The following ZMAT4 variants were observed in gnomAD, a reference collection of about 807,000 sequenced individuals.
The protein encoded by ZMAT4 is zinc finger matrin-type 4.
In ZMAT4, 17 loss-of-function variants were observed where a neutral mutation model predicts 28.7. The observed-to-expected ratio is 0.59, with a 90% CI of 0.41 to 0.89. The LOEUF is 0.89. Among genes scored for constraint, ZMAT4 ranks in the 40% least tolerant of loss-of-function variants. The probability of loss-of-function intolerance (pLI) is 0.00; values close to 1 mark genes in which losing one functional copy is unlikely to be tolerated. For missense variants in ZMAT4, 240 were observed against 283.8 expected (o/e 0.85, Z 1.11); for synonymous variants, 117 against 109.2 (o/e 1.07, Z -0.44).
At chr8:40,879,268 A>T (rs1364345407) in intron 1 of ZMAT4, among the ~76,000 whole-genome samples, 11 of 152,124 alleles carry the variant, frequency 7.2e-5, no homozygotes, top group African/African-American at 9.7e-5. Flanking sequence ...CAAAAAATTT[A>T]AAAAATTAGC....
chr8:40,658,299 C>T (rs191204721), intron 5 of ZMAT4, among the ~76,000 whole-genome samples: 2 of 152,102 alleles, frequency 1.3e-5, no homozygotes, highest in Admixed American at 1.3e-4. Flanking sequence ...TCCTCCTATG[C>T]ATATTAATGT....
intron 6 of ZMAT4, among the ~76,000 whole-genome samples, chr8:40,549,657 G>T (rs757612686): frequency 1.8e-4 from 27 of 152,024 alleles, no homozygotes; most frequent in Non-Finnish European, 4.0e-4. Context: ...CACTGTCACT[G>T]CTATAGTTCA....
In ZMAT4 at chr8:40,893,191, T is replaced by A. The variant is rs540897095; in HGVS notation, c.-5+4492A>T. On this transcript the variant is annotated intron_variant, in intron 1 of 6. Transcript: ENST00000297737. ...ATCCTGTGCTTCTTCTGTTACAACA[T>A]CTTCCGAGCTGCCCTCATGGATTCC... 2.0e-5 allele frequency among the ~76,000 whole-genome samples: 3 copies of A among 152,292 alleles called. No homozygotes were observed. In the East Asian group the frequency reaches 5.8e-4, roughly 29 times the overall value.
chr8:40,874,822 G>T (rs1033925571), intron 1 of ZMAT4, among the ~76,000 whole-genome samples: 2 of 152,184 alleles, frequency 1.3e-5, no homozygotes, highest in Admixed American at 1.3e-4. Flanking sequence ...ACTGCAGCAG[G>T]CGTGGTTTCG....
chr8:40,834,771 G>A (rs1816416346), intron 1 of ZMAT4, among the ~76,000 whole-genome samples: 1 of 152,200 alleles, frequency 6.6e-6, no homozygotes, highest in Non-Finnish European at 1.5e-5. Context: ...TCCTTACCCT[G>A]TAGGTCCTTG....
rs1806407854 is a variant in ZMAT4 at position 40,627,120 on chromosome 8, C to G, written c.578-45859G>C. 7.2e-5 allele frequency among the ~76,000 whole-genome samples: 11 copies of G among 152,196 alleles called. 1 individual carries two copies. The South Asian group carries it at 2.3e-3, about 32-fold the overall frequency. ...AGATACTCAGCAAATGATTATTGAA[C>G]CAATCAATATTCAGTCAACTAGTAG... is the stretch of plus-strand genomic sequence containing the variant. On this transcript the variant is annotated intron_variant, in intron 5 of 6. Coordinates refer to ENST00000297737, the MANE Select transcript of ZMAT4 (RefSeq NM_024645.3).
rs1802711122 is a variant in ZMAT4, at chr8:40,532,171, C to T, written c.*52G>A. On this transcript the variant is annotated 3_prime_UTR_variant, in exon 7 of 7. Transcript: ENST00000297737. ...CTCTGGTGGTTGATAAGCAATTCTC[C>T]ACGGCAGAGAAATGCTAATGTTTTG... The T allele has an allele frequency of 6.5e-7, 1 of 1,527,896 alleles. No homozygotes were observed. Among genetic ancestry groups the T allele is most frequent in the African/African-American group, 1.4e-5 (1 of 72,084 alleles). 94.6% of individuals were successfully genotyped at this position (1,527,896 alleles called of 1,614,324 possible). A position where few individuals can be genotyped will look rare whatever the true frequency, so the allele number is the denominator to read the frequency against.
chr8:40,844,976 C>T (rs1279491746), intron 1 of ZMAT4, among the ~76,000 whole-genome samples: 1 of 152,142 alleles, frequency 6.6e-6, no homozygotes, highest in Non-Finnish European at 1.5e-5. Context: ...GGATGGTCCA[C>T]TGGGTGACCT....
chr8:40,705,978 C>T (rs183466608), intron 3 of ZMAT4, among the ~76,000 whole-genome samples: 128 of 152,282 alleles, frequency 8.4e-4, no homozygotes, highest in East Asian at 1.3e-3. Context: ...TGTTCAATAG[C>T]ACTTTTGAGT....
chr8:40,882,922 T>C (rs1247047126), intron 1 of ZMAT4, among the ~76,000 whole-genome samples: 1 of 152,060 alleles, frequency 6.6e-6, no homozygotes, highest in Non-Finnish European at 1.5e-5. Flanking sequence ...TTCTCTTCCC[T>C]GCTTAATCCT....
intron 5 of ZMAT4, among the ~76,000 whole-genome samples, chr8:40,633,350 C>T (rs1044305221): frequency 2.6e-5 from 4 of 152,074 alleles, no homozygotes; most frequent in Non-Finnish European, 4.4e-5. Context: ...CTTCTGTCCC[C>T]GATAAGTGGG....
At chr8:40,858,952 C>G (rs948654022) in intron 1 of ZMAT4, among the ~76,000 whole-genome samples, 5 of 152,334 alleles carry the variant, frequency 3.3e-5, no homozygotes, top group Admixed American at 1.3e-4. Context: ...CTGTCATCCT[C>G]TCAACATTAG....
At chr8:40,760,401 G>T (rs1242079409) in intron 3 of ZMAT4, among the ~76,000 whole-genome samples, 2 of 151,986 alleles carry the variant, frequency 1.3e-5, no homozygotes, top group Non-Finnish European at 2.9e-5. Flanking sequence ...CTCAGGAACC[G>T]AGCCCCTCCT....
At chr8:40,669,588 T>C (rs1400785941) in intron 5 of ZMAT4, among the ~76,000 whole-genome samples, 1 of 152,164 alleles carries the variant, frequency 6.6e-6, no homozygotes, top group African/African-American at 2.4e-5. Context: ...AGTAAATATA[T>C]TTTCTCTTCC....
Position 40,825,692 on chromosome 8 carries a change from T to C in ZMAT4, c.-4-12A>G. 2.6e-6 allele frequency: 4 copies of C among 1,547,842 alleles called. No homozygotes were observed. The highest frequency in any genetic ancestry group is 3.5e-6 in the Non-Finnish European group (4 of 1,145,202). ...AGGACTTCATCAGGCTACAAGAGAA[T>C]CAACAGAAAAGAAAAATGAGTCCAC... On this transcript the variant is annotated splice_polypyrimidine_tract_variant and intron_variant, in intron 1 of 6. Transcript: ENST00000297737.
rs1456709740 is a variant in ZMAT4 at position 40,756,324 on chromosome 8, G to A, written c.192+11317C>T. ...GTAGGTGCTGGCAGCCCCGGGCAGT[G>A]TAGACGAATACAGCTTCCATGGAGA... On this transcript the variant is annotated intron_variant, in intron 3 of 6. Coordinates refer to ENST00000297737, the MANE Select transcript of ZMAT4 (RefSeq NM_024645.3). Among the ~76,000 whole-genome samples the A allele has an allele frequency of 2.0e-5, 3 of 151,188 alleles. No homozygotes were observed. The East Asian group carries it at 5.8e-4, about 29-fold the overall frequency.
In ZMAT4 at chr8:40,581,270, AACAG is replaced by A; in HGVS notation, c.578-13_578-10del. ...GTAATTGCGCCTCAGACCTGTGGAC[AACAG>A]ACAGACCTGGTTAGCTGCATCCAGT... On this transcript the variant is annotated splice_polypyrimidine_tract_variant and intron_variant, in intron 5 of 6. Coordinates refer to ENST00000297737, the MANE Select transcript of ZMAT4 (RefSeq NM_024645.3). The A allele has an allele frequency of 1.9e-6, 3 of 1,611,580 alleles. No individual in the cohort carries two copies. Among genetic ancestry groups the A allele is most frequent in the Non-Finnish European group, 2.5e-6 (3 of 1,177,992 alleles).
chr8:40,710,170 C>CCATG (rs1810542736), intron 3 of ZMAT4, among the ~76,000 whole-genome samples: 1 of 151,794 alleles, frequency 6.6e-6, no homozygotes, highest in Non-Finnish European at 1.5e-5. Flanking sequence ...AACTCAGATA[C>CCATG]CATAGATACA....
chr8:40,693,241 C>A (rs755283843), intron 4 of ZMAT4, among the ~76,000 whole-genome samples: 1 of 152,116 alleles, frequency 6.6e-6, no homozygotes, highest in Non-Finnish European at 1.5e-5. Context: ...CTCAGCCTCC[C>A]AAGGAGCTTG....
Sources: gnomAD v4.1 joint callset for allele counts (sites outside exome capture counted in the v4.1 genomes callset) on GRCh38, gnomAD v4.1.1 for gene constraint, MANE v1.5 for transcripts, NCBI Gene and HGNC (gene_info 2026-07-23, HGNC 2026-07-21) for gene names.